The following KLB variants were observed in gnomAD, a reference collection of about 807,000 sequenced individuals.
KLB encodes beta-klotho.
In KLB, 44 loss-of-function variants were observed where a neutral mutation model predicts 88.4. The ratio of observed to expected loss-of-function variants is 0.50; its 90% CI spans 0.39 to 0.64. KLB has a LOEUF of 0.64. Ranked by LOEUF, KLB falls within the 30% of genes least tolerant of loss-of-function variation. The pLI, the probability that KLB is intolerant of heterozygous loss-of-function variation, is 0.00. For missense variants in KLB, 1,137 were observed against 1,304.8 expected (o/e 0.87, Z 1.98); for synonymous variants, 548 against 513.4 (o/e 1.07, Z -0.91).
intron 1 of KLB, among the ~76,000 whole-genome samples, chr4:39,416,108 G>GAAACACAC (rs1553930795): frequency 7.0e-6 from 1 of 142,986 alleles, no homozygotes; most frequent in Non-Finnish European, 1.5e-5. Flanking sequence ...GTAGATTGCA[G>GAAACACAC]ACACACACAC....
At position 39,437,777 on chromosome 4, in the gene KLB, C is replaced by G; in HGVS notation, c.1387C>G (p.Leu463Val). 6.2e-7 allele frequency: 1 copy of G among 1,614,114 alleles called. No homozygotes were observed. The highest frequency in any genetic ancestry group is 8.5e-7 in the Non-Finnish European group (1 of 1,179,992). ...RVFGYTAWSL[L>V]DGFEWQDAYT... ...GTTTGGTTATACTGCCTGGTCTCTC[C>G]TGGATGGCTTTGAATGGCAGGATGC... Residue 463 changes from leucine to valine, a missense_variant, in exon 3 of 5, where the codon CTG (leucine) becomes GTG (valine). By Grantham distance (32) the Leu-to-Val change is conservative. Transcript: ENST00000257408.
Position 39,434,266 on chromosome 4 carries a change from T to C in KLB, c.882T>C (p.Gly294=), listed in dbSNP as rs758425904. The C allele has an allele frequency of 1.2e-6, 2 of 1,613,958 alleles. No individual in the cohort carries two copies. The highest frequency in any genetic ancestry group is 2.2e-5 in the East Asian group (1 of 44,890). Residue 294 remains glycine, a synonymous_variant, in exon 2 of 5, where the codon GGT becomes GGC. Coordinates refer to ENST00000257408, the MANE Select transcript of KLB (RefSeq NM_175737.4). ...CACATTTCCGCCCACATCAGAAGGG[T>C]TGGTTATCGATCACGTTGGGATCTC... ...YNTHFRPHQK[G]WLSITLGSHW...
At chr4:39,413,659 G>C (rs1002189487) in intron 1 of KLB, among the ~76,000 whole-genome samples, 1 of 151,862 alleles carries the variant, frequency 6.6e-6, no homozygotes, top group Non-Finnish European at 1.5e-5. Context: ...GGGAGGTCAA[G>C]GCTGCAAGGA....
intron 1 of KLB, among the ~76,000 whole-genome samples, chr4:39,410,401 C>T (rs1742812963): frequency 6.6e-6 from 1 of 152,112 alleles, no homozygotes; most frequent in South Asian, 2.1e-4. Context: ...ATATGTTTTT[C>T]AACTATTGTG....
At chr4:39,419,944 CA>C (rs34834552) in intron 1 of KLB, among the ~76,000 whole-genome samples, 22,501 of 81,544 alleles carry the variant, frequency 0.28, 1,845 homozygotes, top group East Asian at 0.44. Context: ...AACTTCATCT[CA>C]AAAAAAAAAA....
Position 39,437,814 on chromosome 4 carries a change from G to A in KLB, c.1424G>A (p.Arg475His), listed in dbSNP as rs778272212. 2.5e-6 allele frequency: 4 copies of A among 1,614,140 alleles called. No homozygotes were observed. The highest frequency in any genetic ancestry group is 3.4e-6 in the Non-Finnish European group (4 of 1,180,022). Residue 475 changes from arginine (R) to histidine (H), a missense_variant, in exon 3 of 5, where the codon CGC becomes CAC. Transcript: ENST00000257408. ...GAATGGCAGGATGCTTACACCATCC[G>A]CCGAGGATTATTTTATGTGGATTTT... The part of the protein sequence containing the change: ...GFEWQDAYTI[R>H]RGLFYVDFNS...
At chr4:39,418,348 T>G (rs1578202817) in intron 1 of KLB, among the ~76,000 whole-genome samples, 1 of 152,102 alleles carries the variant, frequency 6.6e-6, no homozygotes. Flanking sequence ...CAAGCGATTC[T>G]CCTGCCTCAG....
At position 39,448,670 on chromosome 4, in the gene KLB, A is replaced by C; in HGVS notation, c.3119A>C (p.Lys1040Thr). Residue 1040 changes from lysine (K) to threonine (T), a missense_variant, in exon 5 of 5, where the codon AAG (lysine) becomes ACG (threonine). By Grantham distance (78) the Lys-to-Thr change is moderately conservative. This residue lies in a region of KLB where 426 missense variants were observed against 404.6 expected (regional missense o/e 1.05). Coordinates refer to ENST00000257408, the MANE Select transcript of KLB (RefSeq NM_175737.4). ...NLQHIPLKKG[K>T]RVVS Reference sequence around the variant, plus strand: ...CAACACATACCATTAAAGAAAGGCAAGAGAGTTGTTAGCTAAACTGATCTG... The same window carrying C: ...CAACACATACCATTAAAGAAAGGCACGAGAGTTGTTAGCTAAACTGATCTG... 1 of 1,609,558 alleles carries C rather than the reference A, an allele frequency of 6.2e-7. No homozygotes were observed. The highest frequency in any genetic ancestry group is 8.5e-7 in the Non-Finnish European group (1 of 1,179,538).
In KLB at chr4:39,450,320, A is replaced by G. The variant is rs1037972534; in HGVS notation, c.*1634A>G. On this transcript the variant is annotated 3_prime_UTR_variant, in exon 5 of 5. Coordinates refer to ENST00000257408, the MANE Select transcript of KLB (RefSeq NM_175737.4). ...TCACTCCAGCAATTTAGACCTTAAC[A>G]GTCACAAGAGACGTTCTTCTGTTAC... 1 of 152,256 alleles carries G rather than the reference A, an allele frequency of 6.6e-6. No individual in the cohort carries two copies. Among genetic ancestry groups the G allele is most frequent in the African/African-American group, 2.4e-5 (1 of 41,472 alleles). The allele number at this position is 152,256 out of a possible 1,614,324, so 9.4% of individuals were successfully genotyped here. A position where few individuals can be genotyped will look rare whatever the true frequency, so the allele number is the denominator to read the frequency against.
intron 1 of KLB, among the ~76,000 whole-genome samples, chr4:39,424,162 G>A (rs549772949): frequency 5.9e-5 from 9 of 151,590 alleles, no homozygotes; most frequent in Admixed American, 2.6e-4. Context: ...CTCAACCTCC[G>A]TGGGCTCAGG....
intron 1 of KLB, among the ~76,000 whole-genome samples, chr4:39,418,482 A>G (rs1022964844): frequency 2.0e-5 from 3 of 151,584 alleles, no homozygotes; most frequent in Non-Finnish European, 4.4e-5. Context: ...CAAATGATCC[A>G]TCCACCTCAG....
Position 39,407,702 on chromosome 4 carries a change from G to A in KLB, c.753G>A (p.Gly251=). 1.2e-6 allele frequency: 2 copies of A among 1,613,868 alleles called. No individual in the cohort carries two copies. The highest frequency in any genetic ancestry group is 1.7e-6 in the Non-Finnish European group (2 of 1,179,758). The part of the protein sequence containing the change: ...NPYLVAWHGY[G]TGMHAPGEKG... ...ATCTAGTGGCTTGGCATGGGTATGG[G>A]ACAGGTATGCATGCCCCTGGAGAGA... is the stretch of plus-strand genomic sequence containing the variant. Residue 251 remains glycine (G), a synonymous_variant, in exon 1 of 5, where the codon GGG becomes GGA. Coordinates refer to ENST00000257408, the MANE Select transcript of KLB (RefSeq NM_175737.4).
At chr4:39,431,462 G>C (rs1358946448) in intron 1 of KLB, among the ~76,000 whole-genome samples, 3 of 151,994 alleles carry the variant, frequency 2.0e-5, no homozygotes, top group Non-Finnish European at 4.4e-5. Context: ...TGTTGATCAG[G>C]CTGGTCTGGA....
chr4:39,417,232 G>A (rs935426097), intron 1 of KLB, among the ~76,000 whole-genome samples: 8 of 152,032 alleles, frequency 5.3e-5, no homozygotes, highest in Admixed American at 6.6e-5. Context: ...AAGAAAGAGG[G>A]TTAAAACAAA....
chr4:39,437,622 A>G (rs542856581), intron 2 of KLB, 105 bp from the exon 3 acceptor site: 3 of 1,303,794 alleles, frequency 2.3e-6, no homozygotes, highest in Non-Finnish European at 3.2e-6. Flanking sequence ...ATTAGGGCAA[A>G]GGTTCGTTTT....
intron 4 of KLB, 76 bp downstream of exon 4, chr4:39,447,551 C>CG: frequency 7.9e-7 from 1 of 1,270,840 alleles, no homozygotes; most frequent in South Asian, 1.5e-5. Context: ...ATGGGAGCAG[C>CG]AGGCTGGTGC....
chr4:39,439,199 A>G (rs1300402620), intron 3 of KLB, among the ~76,000 whole-genome samples: 1 of 151,984 alleles, frequency 6.6e-6, no homozygotes, highest in Non-Finnish European at 1.5e-5. Flanking sequence ...GAGTCTTACT[A>G]TGTTGCCCAG....
intron 3 of KLB, among the ~76,000 whole-genome samples, chr4:39,445,608 G>A (rs1350410808): frequency 3.4e-5 from 5 of 149,040 alleles, no homozygotes; most frequent in South Asian, 2.1e-4. Context: ...GCGTTCAAGC[G>A]ATTCTCCTGC....
At chr4:39,426,950 A>C (rs998915441) in intron 1 of KLB, among the ~76,000 whole-genome samples, 7 of 152,092 alleles carry the variant, frequency 4.6e-5, no homozygotes, top group Non-Finnish European at 1.0e-4. Context: ...CAGCCTCCCA[A>C]AGTGCTGAGA....
Sources: gnomAD v4.1 joint callset for allele counts (sites outside exome capture counted in the v4.1 genomes callset) on GRCh38, gnomAD v4.1.1 for gene constraint, gnomAD v4.1.1 regional missense constraint, MANE v1.5 for transcripts, NCBI Gene and HGNC (gene_info 2026-07-23, HGNC 2026-07-21) for gene names.